NPAS3: variants seen among roughly 807,000 people sequenced by gnomAD.
NPAS3 encodes the protein neuronal PAS domain protein 3.
NPAS3 carries 14 observed loss-of-function variants against 73.1 expected under a neutral mutation model. The ratio of observed to expected loss-of-function variants is 0.19; its 90% confidence interval spans 0.13 to 0.30. The LOEUF (loss-of-function observed/expected upper bound fraction) is 0.30. NPAS3 is among the 10% of genes least tolerant of loss of function. NPAS3 has a pLI of 1.00. For missense variants in NPAS3, 1,096 were observed against 1,250.0 expected, an observed-to-expected ratio of 0.88 and a Z score of 1.86; for synonymous variants, 620 against 541.5, an observed-to-expected ratio of 1.14 and a Z score of -2.01.
In NPAS3 at chr14:33,694,370, C is replaced by G. The variant is rs554660821; in HGVS notation, c.733+17985C>G. 5.3e-5 allele frequency among the ~76,000 whole-genome samples: 8 copies of G among 152,236 alleles called. No individual in the cohort carries two copies. The South Asian group carries it at 1.4e-3, about 28-fold the overall frequency. ...GATTTGGAGTTAGTGTTCTGTCAAT[C>G]TTAATTAAATGACAGCCAAAAAGCC... On this transcript the variant is annotated intron_variant, in intron 6 of 11. Coordinates refer to ENST00000356141, the Ensembl canonical transcript of NPAS3.
intron 5 of NPAS3, chr14:33,610,926 A>G (rs1368813169): frequency 6.6e-6 from 1 of 152,200 alleles, no homozygotes; most frequent in East Asian, 1.9e-4. Context: ...GCAGCTTATA[A>G]TTGTTTTCCA....
At chr14:33,275,056 A>C (rs1222867227) in intron 3 of NPAS3, among the ~76,000 whole-genome samples, 2 of 152,222 alleles carry the variant, frequency 1.3e-5, no homozygotes, top group South Asian at 2.1e-4. Flanking sequence ...ACAAATGTGC[A>C]TGTGAGAAAA....
At chr14:32,954,466 G>A (rs2036598609) in intron 1 of NPAS3, among the ~76,000 whole-genome samples, 2 of 152,224 alleles carry the variant, frequency 1.3e-5, no homozygotes, top group East Asian at 1.9e-4. Context: ...AGCTAGTAAA[G>A]TTTTGAAATT....
intron 1 of NPAS3, among the ~76,000 whole-genome samples, chr14:33,003,070 CTT>C (rs76957822): frequency 7.1e-6 from 1 of 141,292 alleles, no homozygotes; most frequent in Admixed American, 7.1e-5. Context: ...ATTTTTGTTT[CTT>C]TTTTTTTTTT....
At chr14:33,497,655 C>T (rs541735176) in intron 4 of NPAS3, among the ~76,000 whole-genome samples, 4 of 152,208 alleles carry the variant, frequency 2.6e-5, no homozygotes, top group Non-Finnish European at 5.9e-5. Flanking sequence ...ATGCAGAAAA[C>T]TGAAACTGGA....
chr14:33,612,748 T>A (rs567379501), intron 5 of NPAS3, among the ~76,000 whole-genome samples: 22 of 152,270 alleles, frequency 1.4e-4, no homozygotes, highest in African/African-American at 5.3e-4. Context: ...CTGACCTCCC[T>A]CCCGTAAACT....
Position 33,080,687 on chromosome 14 carries a change from G to A in NPAS3, c.140+24693G>A, listed in dbSNP as rs144678963. 6.2e-3 allele frequency among the ~76,000 whole-genome samples: 942 copies of A among 152,288 alleles called. 7 individuals are homozygous for A. The highest frequency in any genetic ancestry group is 0.01 in the Non-Finnish European group (694 of 68,028). On this transcript the variant is annotated intron_variant, in intron 2 of 11. Transcript: ENST00000356141. ...ACAGAAAGTTTGAGGCAAAACCTGG[G>A]CATCGCCTGGTTACATTCTAACATG... is the stretch of plus-strand genomic sequence containing the variant.
intron 4 of NPAS3, among the ~76,000 whole-genome samples, chr14:33,370,384 A>T (rs575055444): frequency 3.2e-4 from 48 of 152,204 alleles, no homozygotes; most frequent in African/African-American, 1.1e-3. Context: ...CATCAGACAC[A>T]AAAGCATGTA....
At chr14:32,946,310 G>C (rs1448648214) in intron 1 of NPAS3, among the ~76,000 whole-genome samples, 1 of 148,094 alleles carries the variant, frequency 6.8e-6, no homozygotes. Context: ...TAAATGGTAA[G>C]TTATTTACTC....
intron 9 of NPAS3, among the ~76,000 whole-genome samples, chr14:33,787,375 T>C (rs2138585608): frequency 6.6e-6 from 1 of 152,236 alleles, no homozygotes; most frequent in Admixed American, 6.5e-5. Context: ...TCAATAAAAA[T>C]CTATCAATTG....
chr14:33,746,958 T>C (rs1410816824), intron 7 of NPAS3, among the ~76,000 whole-genome samples: 1 of 145,996 alleles, frequency 6.8e-6, no homozygotes, highest in East Asian at 2.2e-4. Context: ...TGTGATCTCA[T>C]TGTTCAATTC....
At chr14:33,247,691 T>A (rs1297823579) in intron 3 of NPAS3, among the ~76,000 whole-genome samples, 4 of 152,220 alleles carry the variant, frequency 2.6e-5, no homozygotes, top group Admixed American at 1.3e-4. Context: ...AATTAAGCAG[T>A]TTAACTTCAA....
intron 1 of NPAS3, among the ~76,000 whole-genome samples, chr14:32,955,100 A>G (rs2036622036): frequency 6.6e-6 from 1 of 152,142 alleles, no homozygotes; most frequent in African/African-American, 2.4e-5. Context: ...GCTCACTTAA[A>G]AGGCTTGGTC....
At chr14:33,017,619 C>T (rs74499161) in intron 1 of NPAS3, among the ~76,000 whole-genome samples, 3,163 of 152,202 alleles carry the variant, frequency 0.021, 39 homozygotes, top group Middle Eastern at 0.031. Context: ...GAGGACTGGT[C>T]ATTGATGGTG....
chr14:33,169,635 T>C (rs1566634043), intron 2 of NPAS3, among the ~76,000 whole-genome samples: 1 of 152,222 alleles, frequency 6.6e-6, no homozygotes, highest in Non-Finnish European at 1.5e-5. Context: ...TACCAATGCA[T>C]TTCATTTTTG....
intron 3 of NPAS3, among the ~76,000 whole-genome samples, chr14:33,243,067 C>CCT (rs2048262732): frequency 6.6e-6 from 1 of 152,072 alleles, no homozygotes; most frequent in African/African-American, 2.4e-5. Context: ...TATCCAGTAA[C>CCT]CTCCATATGC....
At chr14:33,768,020 A>C (rs2062521424) in intron 7 of NPAS3, among the ~76,000 whole-genome samples, 1 of 152,216 alleles carries the variant, frequency 6.6e-6, no homozygotes, top group Admixed American at 6.5e-5. Context: ...ACATGCATCT[A>C]ACAGCATCAC....
At chr14:33,308,428 C>G (rs903440534) in intron 3 of NPAS3, among the ~76,000 whole-genome samples, 1 of 151,428 alleles carries the variant, frequency 6.6e-6, no homozygotes, top group Non-Finnish European at 1.5e-5. Flanking sequence ...GGAAGCTTCA[C>G]AGGTATTCAG....
chr14:33,301,975 C>G (rs528981424), intron 3 of NPAS3, among the ~76,000 whole-genome samples: 1 of 152,276 alleles, frequency 6.6e-6, no homozygotes, highest in East Asian at 1.9e-4. Flanking sequence ...TCTGACATGA[C>G]TTGGAAGCTG....
Sources: allele counts gnomAD v4.1 joint callset (sites outside exome capture counted in the v4.1 genomes callset), GRCh38; gene constraint gnomAD v4.1.1; transcripts MANE v1.5; gene names NCBI Gene and HGNC (gene_info 2026-07-23, HGNC 2026-07-21).